WNT10A: variants seen among roughly 807,000 people sequenced by gnomAD.
WNT10A encodes Wnt family member 10A.
WNT10A carries 37 observed loss-of-function variants against 36.1 expected under a neutral mutation model. That is an observed-to-expected ratio of 1.02 (90% CI 0.79 to 1.35). The LOEUF (loss-of-function observed/expected upper bound fraction) is 1.35. Among genes scored for constraint, WNT10A ranks in the 40% most tolerant of loss-of-function variants. WNT10A has a pLI of 0.00. For synonymous variants in WNT10A, 255 were observed against 254.1 expected (o/e 1.00, Z -0.03); for missense variants, 613 against 601.4 (o/e 1.02, Z -0.20).
chr2:218,888,307 T>A (rs372420991), intron 2 of WNT10A, among the ~76,000 whole-genome samples: 4 of 152,350 alleles, frequency 2.6e-5, no homozygotes, highest in African/African-American at 9.6e-5. Context: ...AATGGGACCC[T>A]CCTTTGCAAG....
At chr2:218,874,177 C>G in the WNT10A span, 3 of 326,924 alleles carry the variant, frequency 9.2e-6, no homozygotes, top group East Asian at 1.5e-4. Flanking sequence ...CTCCCCAGAA[C>G]TGCTGGCCAC....
At chr2:218,875,798 A>C in the WNT10A span, among the ~76,000 whole-genome samples, 19 of 152,362 alleles carry the variant, frequency 1.2e-4, no homozygotes, top group African/African-American at 4.6e-4. Context: ...ATGTTTAGTA[A>C]ATGATAGTTA....
chr2:218,880,923 G>T lies in WNT10A; in HGVS notation c.-73G>T, dbSNP rs1191652861. ...CGCCCCGACCCCCCGCCGATCATGC[G>T]CCGGCGCCCCTGGCTCTCCAGTCCC... On this transcript the variant is annotated 5_prime_UTR_variant, in exon 1 of 4. Transcript: ENST00000258411. The surrounding 1 kb of genome is among the most constrained non-coding windows in gnomAD (Gnocchi z 7.7). The T allele has an allele frequency of 6.8e-7, 1 of 1,469,632 alleles. No individual in the cohort carries two copies. Among genetic ancestry groups the T allele is most frequent in the East Asian group, 2.6e-5 (1 of 38,676 alleles). 91.0% of individuals were successfully genotyped at this position (1,469,632 alleles called of 1,614,324 possible).
Position 218,881,008 on chromosome 2 carries a change from C to G in WNT10A, c.13C>G (p.His5Asp). 1.3e-6 allele frequency: 2 copies of G among 1,582,762 alleles called. No homozygotes were observed. The highest frequency in any genetic ancestry group is 1.7e-6 in the Non-Finnish European group (2 of 1,164,052). The change falls in exon 1 of 4, where the codon CAC (histidine) becomes GAC (aspartate). Residue 5 changes from histidine (H) to aspartate (D), a missense_variant. His to Asp is a moderately conservative substitution (Grantham distance 81). Coordinates refer to ENST00000258411, the MANE Select transcript of WNT10A (RefSeq NM_025216.3). Reference protein sequence around the residue: MGSAHPRPWLRLRPQ... With the variant: MGSADPRPWLRLRPQ... The stretch of plus-strand genomic sequence containing the variant: ...GGGCCTGCGCGCCATGGGCAGCGCC[C>G]ACCCTCGCCCCTGGCTGCGGCTCCG...
intron 1 of WNT10A, 80 bp from the exon 2 acceptor site, chr2:218,882,081 T>C (rs376260386): frequency 1.3e-6 from 2 of 1,546,188 alleles, no homozygotes; most frequent in Middle Eastern, 1.7e-4. Flanking sequence ...TTATGGCCGT[T>C]GGGACAGAGT....
chr2:218,879,205 C>T (rs762736170), upstream of WNT10A, among the ~76,000 whole-genome samples: 1 of 152,048 alleles, frequency 6.6e-6, no homozygotes, highest in African/African-American at 2.4e-5. Flanking sequence ...GCCGCCCCCA[C>T]CACCTGACAG....
Position 218,892,891 on chromosome 2 carries a change from A to G in WNT10A, c.874A>G (p.Ser292Gly), listed in dbSNP as rs767665930. Residue 292 changes from serine (S) to glycine (G), a missense_variant, in exon 4 of 4, where the codon AGC becomes GGC. By Grantham distance (56) the Ser-to-Gly change is moderately conservative. Coordinates refer to ENST00000258411, the MANE Select transcript of WNT10A (RefSeq NM_025216.3). ...EFRTVGALLR[S>G]RFHRATLIRP... The stretch of plus-strand genomic sequence containing the variant: ...CCGCACCGTGGGGGCGCTGCTGCGC[A>G]GCCGCTTCCACCGCGCCACGCTCAT... 5.7e-5 allele frequency: 89 copies of G among 1,557,280 alleles called. No homozygotes were observed. The East Asian group carries it at 2.1e-3, about 36-fold the overall frequency.
Position 218,890,368 on chromosome 2 carries a change from G to C in WNT10A, c.756+5G>C. The C allele has an allele frequency of 6.3e-7, 1 of 1,599,606 alleles. No individual in the cohort carries two copies. Among genetic ancestry groups the C allele is most frequent in the Non-Finnish European group, 8.5e-7 (1 of 1,179,936 alleles). ...AACAACCGAGTTGGGAGGCAGGTGAGAGCCCCACCCCTGGGTCTGCTTCAA... is the reference window on the plus strand; with the variant it reads ...AACAACCGAGTTGGGAGGCAGGTGACAGCCCCACCCCTGGGTCTGCTTCAA... On this transcript the variant is annotated splice_donor_5th_base_variant and intron_variant, in intron 3 of 3. Coordinates refer to ENST00000258411, the MANE Select transcript of WNT10A (RefSeq NM_025216.3).
chr2:218,882,321 GC>G lies in WNT10A; in HGVS notation c.276del (p.Ile93SerfsTer62), dbSNP rs774314075. ...CTCAGCCATACAGGGCATCCAGATC[GC>G]CATCCACGAATGCCAACACCAATTC... ...AASAIQGIQI[A>X]IHECQHQFRD... On this transcript the variant is annotated frameshift_variant, in exon 2 of 4. Coordinates refer to ENST00000258411, the MANE Select transcript of WNT10A (RefSeq NM_025216.3). LOFTEE classifies it high-confidence loss of function. The G allele has an allele frequency of 6.2e-7, 1 of 1,614,106 alleles. No homozygotes were observed. The highest frequency in any genetic ancestry group is 1.3e-5 in the African/African-American group (1 of 74,998).
At chr2:218,892,708 G>C in intron 3 of WNT10A, 66 bp from the exon 4 acceptor site, 1 of 1,545,098 alleles carries the variant, frequency 6.5e-7, no homozygotes, top group African/African-American at 1.4e-5. Flanking sequence ...AAGCAGGCCA[G>C]GCTAAGCGCT....
intron 3 of WNT10A, among the ~76,000 whole-genome samples, chr2:218,892,412 C>T (rs1373596287): frequency 6.6e-6 from 1 of 151,510 alleles, no homozygotes; most frequent in Non-Finnish European, 1.5e-5. Context: ...CTGGCCCCTA[C>T]CCCAGGGGTG....
Position 218,890,121 on chromosome 2 carries a change from A to C in WNT10A, c.514A>C (p.Arg172=). ...SRRGDEEAFR[R]KLHRLQLDAL... The stretch of plus-strand genomic sequence containing the variant: ...GCGAGGGGACGAGGAGGCCTTCCGT[A>C]GGAAGCTGCACCGCTTACAACTGGA... The change falls in exon 3 of 4, where the codon AGG becomes CGG. Residue 172 remains arginine, a synonymous_variant. Coordinates refer to ENST00000258411, the MANE Select transcript of WNT10A (RefSeq NM_025216.3). The C allele has an allele frequency of 6.2e-7, 1 of 1,614,166 alleles. No individual in the cohort carries two copies. The highest frequency in any genetic ancestry group is 8.5e-7 in the Non-Finnish European group (1 of 1,180,028).
At chr2:218,892,336 C>G (rs928200894) in intron 3 of WNT10A, among the ~76,000 whole-genome samples, 22 of 151,260 alleles carry the variant, frequency 1.5e-4, no homozygotes, top group Admixed American at 2.0e-4. Context: ...CACACACACA[C>G]ACACACACAC....
chr2:218,888,671 C>G (rs1348236377), intron 2 of WNT10A, among the ~76,000 whole-genome samples: 1 of 152,190 alleles, frequency 6.6e-6, no homozygotes, highest in Admixed American at 6.5e-5. Context: ...TGTGGACAAG[C>G]AAGGGGAAGC....
rs1438300119 is a variant in WNT10A at position 218,893,118 on chromosome 2, C to G, written c.1101C>G (p.Ala367=). 2 of 1,595,102 alleles carry G rather than the reference C, an allele frequency of 1.3e-6. No individual in the cohort carries two copies. The highest frequency in any genetic ancestry group is 1.7e-6 in the Non-Finnish European group (2 of 1,178,284). ...TVGRLCNKSS[A]GSDGCGSMCC... is the part of the protein sequence containing the mutation. Reference sequence around the variant, plus strand: ...GCCGCCTGTGCAACAAGAGCAGCGCCGGCTCGGATGGCTGCGGCAGCATGT... The same window carrying G: ...GCCGCCTGTGCAACAAGAGCAGCGCGGGCTCGGATGGCTGCGGCAGCATGT... The change falls in exon 4 of 4, where the codon GCC becomes GCG. Residue 367 remains alanine (A), a synonymous_variant. Coordinates refer to ENST00000258411, the MANE Select transcript of WNT10A (RefSeq NM_025216.3). The surrounding 1 kb of genome is among the most constrained non-coding windows in gnomAD (Gnocchi z 6.3).
the WNT10A span, among the ~76,000 whole-genome samples, chr2:218,874,553 T>C: frequency 6.6e-6 from 1 of 152,184 alleles, no homozygotes; most frequent in Non-Finnish European, 1.5e-5. Context: ...GGGAAGCTAC[T>C]GGTGAAAGTG....
In WNT10A at chr2:218,890,266, T is replaced by C; in HGVS notation, c.659T>C (p.Phe220Ser). The C allele has an allele frequency of 6.2e-7, 1 of 1,612,232 alleles. No individual in the cohort carries two copies. Among genetic ancestry groups the C allele is most frequent in the Non-Finnish European group, 8.5e-7 (1 of 1,179,956 alleles). Residue 220 changes from phenylalanine (F) to serine (S), a missense_variant, in exon 3 of 4, where the codon TTC (phenylalanine) becomes TCC (serine). Physicochemically the swap from Phe to Ser is radical, Grantham distance 155. Transcript: ENST00000258411. The stretch of plus-strand genomic sequence containing the variant: ...GGCGGCTGCAGCCCCGACATGGGCT[T>C]CGGGGAGCGCTTTTCTAAGGACTTT... ...EWGGCSPDMG[F>S]GERFSKDFLD... is the part of the protein sequence containing the mutation.
At chr2:218,892,515 G>A (rs962818965) in intron 3 of WNT10A, among the ~76,000 whole-genome samples, 1 of 152,152 alleles carries the variant, frequency 6.6e-6, no homozygotes, top group Non-Finnish European at 1.5e-5. Flanking sequence ...CTGGAAAGGC[G>A]GGCAGGAGAG....
In WNT10A at chr2:218,890,310, C is replaced by T. The variant is rs775342902; in HGVS notation, c.703C>T (p.His235Tyr). The change falls in exon 3 of 4, where the codon CAC (histidine) becomes TAC (tyrosine). Residue 235 changes from histidine (H) to tyrosine (Y), a missense_variant. Coordinates refer to ENST00000258411, the MANE Select transcript of WNT10A (RefSeq NM_025216.3). ...SKDFLDSREP[H>Y]RDIHARMRLH... ...GGACTTTCTGGACTCCCGGGAGCCT[C>T]ACAGAGACATCCACGCGAGAATGAG... 1.2e-6 allele frequency: 2 copies of T among 1,603,916 alleles called. No individual in the cohort carries two copies. The highest frequency in any genetic ancestry group is 1.7e-6 in the Non-Finnish European group (2 of 1,179,946).
Sources: gnomAD v4.1 joint callset for allele counts (sites outside exome capture counted in the v4.1 genomes callset) on GRCh38, gnomAD v4.1.1 for gene constraint, Gnocchi (gnomAD v3.1) non-coding constraint, MANE v1.5 for transcripts, NCBI Gene and HGNC (gene_info 2026-07-23, HGNC 2026-07-21) for gene names.